MTUS2: variants seen among roughly 807,000 people sequenced by gnomAD.
MTUS2 encodes the protein microtubule-associated tumor suppressor candidate 2.
MTUS2 carries 40 observed loss-of-function variants against 114.1 expected under a neutral mutation model. That is an observed-to-expected ratio of 0.35 (90% confidence interval 0.27 to 0.46). The LOEUF (loss-of-function observed/expected upper bound fraction) is 0.46. Among genes scored for constraint, MTUS2 ranks in the 20% least tolerant of loss-of-function variants. MTUS2 has a pLI of 1.00. For missense variants in MTUS2, 1,679 were observed against 1,705.4 expected (o/e 0.98, Z 0.27); for synonymous variants, 688 against 672.0 (o/e 1.02, Z -0.37).
chr13:29,138,824 G>A (rs762631435), intron 5 of MTUS2, among the ~76,000 whole-genome samples: 17 of 151,848 alleles, frequency 1.1e-4, no homozygotes, highest in Non-Finnish European at 1.5e-5. Flanking sequence ...CTGAAAATGA[G>A]CCACCACCAT....
Position 29,359,328 on chromosome 13 carries a change from G to T in MTUS2, c.2972G>T (p.Arg991Leu), listed in dbSNP as rs765544917. 2 of 1,611,206 alleles carry T rather than the reference G, an allele frequency of 1.2e-6. No homozygotes were observed. The highest frequency in any genetic ancestry group is 1.7e-6 in the Non-Finnish European group (2 of 1,178,840). Residue 991 changes from arginine (R) to leucine (L), a missense_variant, in exon 8 of 16, where the codon CGT (arginine) becomes CTT (leucine). This residue lies in a region of MTUS2 where 822 missense variants were observed against 899.7 expected (regional missense o/e 0.91). Coordinates refer to ENST00000612955, the MANE Select transcript of MTUS2 (RefSeq NM_001033602.4). ...CCGCCCAAGCCGGACCCGCAGGCCC[G>T]TGAGGCTGAGCGGCAGCTGGTGCTG... Reference protein sequence around the residue: ...GFPPKPDPQAREAERQLVLRL... With the variant: ...GFPPKPDPQALEAERQLVLRL...
Position 29,487,911 on chromosome 13 carries a change from C to T in MTUS2, c.3411C>T (p.Leu1137=), listed in dbSNP as rs1441262301. ...CGACTCTCCTCCAGGTGGAAGATCT[C>T]ACCGCCAGCCATGATGCTGCTCTCC... is the stretch of plus-strand genomic sequence containing the variant. ...RCQHQEQVED[L]TASHDAALLE... Residue 1137 remains leucine (L), a synonymous_variant, in exon 11 of 16, where the codon CTC becomes CTT. Transcript: ENST00000612955. 6.2e-7 allele frequency: 1 copy of T among 1,613,894 alleles called. No homozygotes were observed. The highest frequency in any genetic ancestry group is 1.7e-5 in the Admixed American group (1 of 60,030).
intron 8 of MTUS2, among the ~76,000 whole-genome samples, chr13:29,394,546 A>G (rs1593395934): frequency 6.6e-6 from 1 of 152,310 alleles, no homozygotes. Context: ...ATACATGGTA[A>G]ATGTCTCTTA....
intron 5 of MTUS2, among the ~76,000 whole-genome samples, chr13:29,105,740 G>C (rs763452646): frequency 6.6e-6 from 1 of 151,038 alleles, no homozygotes; most frequent in Admixed American, 6.6e-5. Flanking sequence ...GCTGACGTTC[G>C]CATAAATAAT....
At chr13:28,947,983 T>C (rs1227262691) in intron 2 of MTUS2, among the ~76,000 whole-genome samples, 1 of 152,220 alleles carries the variant, frequency 6.6e-6, no homozygotes, top group Non-Finnish European at 1.5e-5. Flanking sequence ...ATGTTGTTTA[T>C]GCTTTGAAGG....
intron 7 of MTUS2, among the ~76,000 whole-genome samples, chr13:29,345,832 T>C (rs1299479513): frequency 1.3e-5 from 2 of 152,208 alleles, no homozygotes; most frequent in African/African-American, 4.8e-5. Flanking sequence ...CAGATTCTTC[T>C]GTCCCACAGG....
intron 5 of MTUS2, among the ~76,000 whole-genome samples, chr13:29,140,682 T>C (rs1256394828): frequency 1.3e-5 from 2 of 152,144 alleles, no homozygotes; most frequent in Non-Finnish European, 2.9e-5. Flanking sequence ...AGTTCTCTGG[T>C]AGGTGATTAG....
chr13:29,025,204 A>G lies in MTUS2; in HGVS notation c.506A>G (p.Asn169Ser), dbSNP rs754510209. ...PKDKLAKTLD[N>S]EELRRHSLER... The stretch of plus-strand genomic sequence containing the variant: ...GATAAACTGGCAAAGACCCTTGACA[A>G]TGAGGAACTGAGGAGGCATTCTTTG... Residue 169 changes from asparagine to serine, a missense_variant, in exon 3 of 16, where the codon AAT (asparagine) becomes AGT (serine). By Grantham distance (46) the Asn-to-Ser change is conservative (BLOSUM62 1). This residue lies in a region of MTUS2 where 843 missense variants were observed against 770.8 expected (regional missense o/e 1.09). Transcript: ENST00000612955. The G allele has an allele frequency of 1.1e-5, 17 of 1,613,844 alleles. No homozygotes were observed. The highest frequency in any genetic ancestry group is 2.2e-5 in the South Asian group (2 of 91,084).
At chr13:29,192,176 A>G (rs560257747) in intron 5 of MTUS2, among the ~76,000 whole-genome samples, 2 of 152,296 alleles carry the variant, frequency 1.3e-5, no homozygotes, top group African/African-American at 4.8e-5. Context: ...TAGGTCTTAG[A>G]TATTTTGGTT....
chr13:29,004,183 A>G (rs1460057681), intron 2 of MTUS2, among the ~76,000 whole-genome samples: 2 of 149,006 alleles, frequency 1.3e-5, no homozygotes, highest in Admixed American at 6.9e-5. Flanking sequence ...GAAAGGATAT[A>G]TGGGCACGCA....
intron 9 of MTUS2, among the ~76,000 whole-genome samples, chr13:29,478,863 A>G (rs73446182): frequency 0.053 from 7,991 of 152,182 alleles, 688 homozygotes; most frequent in African/African-American, 0.18. Context: ...TGTGTGAAGG[A>G]TGTTAGGACA....
intron 5 of MTUS2, among the ~76,000 whole-genome samples, chr13:29,142,128 A>G (rs1892250122): frequency 6.6e-6 from 1 of 151,910 alleles, no homozygotes; most frequent in South Asian, 2.1e-4. Flanking sequence ...CCAAAGTGCT[A>G]TGGGGATCTA....
chr13:29,106,973 C>G (rs951668350), intron 5 of MTUS2, among the ~76,000 whole-genome samples: 5 of 151,930 alleles, frequency 3.3e-5, no homozygotes, highest in Non-Finnish European at 7.4e-5. Flanking sequence ...ATGTGTTGCT[C>G]ACATTTTTCT....
chr13:29,351,784 T>A (rs541152738), intron 7 of MTUS2, among the ~76,000 whole-genome samples: 1,545 of 150,200 alleles, frequency 0.01, 24 homozygotes, highest in African/African-American at 0.026. Context: ...GTTTATTTTT[T>A]TTTTTTTTTT....
chr13:29,091,404 A>C (rs1889941520), intron 4 of MTUS2, among the ~76,000 whole-genome samples: 2 of 152,156 alleles, frequency 1.3e-5, no homozygotes, highest in Admixed American at 6.5e-5. Flanking sequence ...ACAGAGGTCT[A>C]GGCAACAGCA....
intron 2 of MTUS2, among the ~76,000 whole-genome samples, chr13:28,990,665 C>T (rs1486814568): frequency 2.7e-5 from 2 of 72,854 alleles, no homozygotes; most frequent in Non-Finnish European, 5.6e-5. Flanking sequence ...CCAATCAACA[C>T]TCTGTAAAAT....
In MTUS2 at chr13:29,026,286, C is replaced by T; in HGVS notation, c.1588C>T (p.Leu530Phe). 1 of 1,613,992 alleles carries T rather than the reference C, an allele frequency of 6.2e-7. No homozygotes were observed. Among genetic ancestry groups the T allele is most frequent in the Non-Finnish European group, 8.5e-7 (1 of 1,179,890 alleles). The change falls in exon 3 of 16, where the codon CTC becomes TTC. Residue 530 changes from leucine to phenylalanine, a missense_variant. By Grantham distance (22) the Leu-to-Phe change is conservative. Transcript: ENST00000612955. Reference sequence around the variant, plus strand: ...CACCTCAGCAAGAGCAGATTCAGTTCTCAATATTCCAGCACCCCTCCACCC... The same window carrying T: ...CACCTCAGCAAGAGCAGATTCAGTTTTCAATATTCCAGCACCCCTCCACCC... ...ESTSARADSV[L>F]NIPAPLHPET...
At position 28,831,070 on chromosome 13, in the gene MTUS2, A is replaced by G. The variant is rs572290493; in HGVS notation, c.-315-8708A>G. Among the ~76,000 whole-genome samples the G allele has an allele frequency of 1.0e-3, 155 of 152,334 alleles. No homozygotes were observed. In the Middle Eastern group the frequency reaches 0.014, roughly 13 times the overall value. ...GGACACAAGTCAGTAACACACATCCACAGGAAGAAATAAAGAGTAGCAGTA... is the reference window on the plus strand; with the variant it reads ...GGACACAAGTCAGTAACACACATCCGCAGGAAGAAATAAAGAGTAGCAGTA... On this transcript the variant is annotated intron_variant, in intron 1 of 15. Coordinates refer to ENST00000612955, the MANE Select transcript of MTUS2 (RefSeq NM_001033602.4).
At chr13:29,178,264 G>A (rs149975468) in intron 5 of MTUS2, among the ~76,000 whole-genome samples, 1 of 151,992 alleles carries the variant, frequency 6.6e-6, no homozygotes, top group African/African-American at 2.4e-5. Context: ...CAAATTTGTC[G>A]AATTTTGTTA....
Sources: gnomAD v4.1 joint callset for allele counts (sites outside exome capture counted in the v4.1 genomes callset) on GRCh38, gnomAD v4.1.1 for gene constraint, gnomAD v4.1.1 regional missense constraint, MANE v1.5 for transcripts, NCBI Gene and HGNC (gene_info 2026-07-23, HGNC 2026-07-21) for gene names.